PTPRD: variants seen among roughly 807,000 people sequenced by gnomAD.
PTPRD encodes the protein protein tyrosine phosphatase receptor type D.
In PTPRD, 34 loss-of-function variants were observed where a neutral mutation model predicts 214.5. That is an observed-to-expected ratio of 0.16 (90% CI 0.12 to 0.21). PTPRD has a LOEUF of 0.21. Ranked by LOEUF, PTPRD falls within the 10% of genes least tolerant of loss-of-function variation. The pLI is 1.00. For synonymous variants in PTPRD, 1,128 were observed against 845.7 expected, an observed-to-expected ratio of 1.33 and a Z score of -5.79; for missense variants, 2,545 against 2,398.7, an observed-to-expected ratio of 1.06 and a Z score of -1.27.
At chr9:8,715,662 G>A (rs1211051988) in intron 12 of PTPRD, among the ~76,000 whole-genome samples, 5 of 152,048 alleles carry the variant, frequency 3.3e-5, no homozygotes, top group African/African-American at 9.7e-5. Context: ...TCAGGCCAAC[G>A]ATCTACCACA....
rs200947778 is a variant in PTPRD, at chr9:8,503,868, GT to G, written c.1822+392del. Among the ~76,000 whole-genome samples, 887 of 151,730 alleles carry G rather than the reference GT, an allele frequency of 5.8e-3. 4 individuals carry two copies. Among genetic ancestry groups the G allele is most frequent in the African/African-American group, 0.012 (493 of 41,376 alleles). On this transcript the variant is annotated intron_variant, in intron 23 of 45. Coordinates refer to ENST00000381196, the MANE Select transcript of PTPRD (RefSeq NM_002839.4). ...AAGCCTGTGTGCTTAAAAAAATAAA[GT>G]TTTTTTTTGTCTTTTGCAGCCTCTT... is the stretch of plus-strand genomic sequence containing the variant.
chr9:8,930,215 G>GT (rs756256287), intron 11 of PTPRD, among the ~76,000 whole-genome samples: 1 of 151,288 alleles, frequency 6.6e-6, no homozygotes, highest in Admixed American at 6.6e-5. Flanking sequence ...GTGGTGTTTG[G>GT]TTTTTTTGTC....
At chr9:8,403,844 A>C (rs1224640950) in intron 36 of PTPRD, among the ~76,000 whole-genome samples, 1 of 152,204 alleles carries the variant, frequency 6.6e-6, no homozygotes, top group Non-Finnish European at 1.5e-5. Flanking sequence ...ATTTACAAGC[A>C]AACAATCCCC....
chr9:9,653,424 T>C (rs968071595), intron 7 of PTPRD, among the ~76,000 whole-genome samples: 3 of 126,654 alleles, frequency 2.4e-5, no homozygotes, highest in African/African-American at 5.9e-5. Flanking sequence ...GAAAATATAA[T>C]GGTTAGCAAA....
intron 12 of PTPRD, among the ~76,000 whole-genome samples, chr9:8,659,540 CACTTCTAACT>C (rs1459053916): frequency 6.6e-6 from 1 of 152,216 alleles, no homozygotes; most frequent in African/African-American, 2.4e-5. Flanking sequence ...AGGTTTCTAT[CACTTCTAACT>C]TATTTTACAC....
Position 9,998,115 on chromosome 9 carries a change from TAA to T in PTPRD, c.-472+35601_-472+35602del, listed in dbSNP as rs1158744931. Among the ~76,000 whole-genome samples, 436 of 105,810 alleles carry T rather than the reference TAA, an allele frequency of 4.1e-3. 19 individuals are homozygous for T. Among genetic ancestry groups the T allele is most frequent in the African/African-American group, 0.016 (402 of 24,490 alleles). 69.4% of individuals were successfully genotyped at this position (105,810 alleles called of 152,430 possible). A position where few individuals can be genotyped will look rare whatever the true frequency, so the allele number is the denominator to read the frequency against. Reference sequence around the variant, plus strand: ...ATGTACCCTAGAACTTAAAGTATAATAAAAAAAAAAAAAAATATATATATATA... The same window carrying T: ...ATGTACCCTAGAACTTAAAGTATAATAAAAAAAAAAAAATATATATATATA... On this transcript the variant is annotated intron_variant, in intron 4 of 45. Coordinates refer to ENST00000381196, the MANE Select transcript of PTPRD (RefSeq NM_002839.4).
intron 8 of PTPRD, among the ~76,000 whole-genome samples, chr9:9,462,524 T>C (rs1020096168): frequency 5.3e-5 from 8 of 152,178 alleles, no homozygotes; most frequent in African/African-American, 1.7e-4. Context: ...TTAAATCAGA[T>C]TTTTAAAACA....
At chr9:9,386,582 T>C (rs1336912616) in intron 9 of PTPRD, among the ~76,000 whole-genome samples, 1 of 152,142 alleles carries the variant, frequency 6.6e-6, no homozygotes, top group African/African-American at 2.4e-5. Flanking sequence ...TATATATATT[T>C]GTAGAGGAGG....
intron 5 of PTPRD, among the ~76,000 whole-genome samples, chr9:9,874,179 C>A (rs1174557767): frequency 6.6e-6 from 1 of 152,022 alleles, no homozygotes; most frequent in Non-Finnish European, 1.5e-5. Flanking sequence ...AGAAGCCTGT[C>A]AAGGGGACAT....
At chr9:8,492,631 A>G (rs2097173913) in intron 27 of PTPRD, among the ~76,000 whole-genome samples, 1 of 150,324 alleles carries the variant, frequency 6.7e-6, no homozygotes, top group African/African-American at 2.4e-5. Context: ...AAAAAAAAAA[A>G]AAATACTTAT....
chr9:10,575,711 G>C (rs17793027), intron 2 of PTPRD, among the ~76,000 whole-genome samples: 11,889 of 152,092 alleles, frequency 0.078, 535 homozygotes, highest in Middle Eastern at 0.14. Flanking sequence ...CTTCAAAAGA[G>C]ACAGGTAGCA....
chr9:8,823,231 T>C (rs2097107191), intron 11 of PTPRD, among the ~76,000 whole-genome samples: 1 of 152,180 alleles, frequency 6.6e-6, no homozygotes, highest in African/African-American at 2.4e-5. Context: ...GACCTCTAAA[T>C]GTTCAGTGTT....
At chr9:10,203,960 T>C (rs1271658007) in intron 3 of PTPRD, among the ~76,000 whole-genome samples, 2 of 152,166 alleles carry the variant, frequency 1.3e-5, no homozygotes, top group Non-Finnish European at 2.9e-5. Context: ...CTCAATTTTG[T>C]TAGGATTTGA....
At chr9:8,481,242 C>T (rs1270012106) in intron 30 of PTPRD, among the ~76,000 whole-genome samples, 3 of 149,958 alleles carry the variant, frequency 2.0e-5, no homozygotes, top group African/African-American at 7.3e-5. Flanking sequence ...ATTCTTTTCA[C>T]TGAATTTATT....
chr9:9,157,090 G>A (rs140680426), intron 10 of PTPRD, among the ~76,000 whole-genome samples: 22 of 152,178 alleles, frequency 1.4e-4, no homozygotes, highest in Admixed American at 2.6e-4. Flanking sequence ...ATTAGTGGCC[G>A]GAAACACAAC....
At chr9:10,322,682 G>A (rs547390211) in intron 3 of PTPRD, among the ~76,000 whole-genome samples, 2 of 152,062 alleles carry the variant, frequency 1.3e-5, no homozygotes, top group Non-Finnish European at 2.9e-5. Flanking sequence ...GAGGGGAGAT[G>A]GCAATTATCA....
At chr9:9,842,094 A>G (rs917015402) in intron 5 of PTPRD, among the ~76,000 whole-genome samples, 5 of 151,980 alleles carry the variant, frequency 3.3e-5, no homozygotes, top group African/African-American at 1.2e-4. Context: ...GGATGTATAT[A>G]TACATATTTA....
intron 31 of PTPRD, among the ~76,000 whole-genome samples, chr9:8,469,837 T>C (rs936623181): frequency 4.6e-5 from 7 of 152,124 alleles, no homozygotes; most frequent in African/African-American, 1.4e-4. Flanking sequence ...TTCAGATAAA[T>C]GAAGCCAGTG....
chr9:8,942,561 G>A (rs893256554), intron 11 of PTPRD, among the ~76,000 whole-genome samples: 2 of 152,120 alleles, frequency 1.3e-5, no homozygotes, highest in African/African-American at 2.4e-5. Context: ...AGCAGTTAAG[G>A]GTTAACGCTG....
Sources: allele counts gnomAD v4.1 joint callset (sites outside exome capture counted in the v4.1 genomes callset), GRCh38; gene constraint gnomAD v4.1.1; transcripts MANE v1.5; gene names NCBI Gene and HGNC (gene_info 2026-07-23, HGNC 2026-07-21).